Variants in LRP1B observed in about 807,000 individuals in gnomAD.
LRP1B encodes the protein low-density lipoprotein receptor-related protein 1B.
LRP1B carries 217 observed loss-of-function variants against 556.6 expected under a neutral mutation model. The ratio of observed to expected loss-of-function variants is 0.39; its 90% CI spans 0.35 to 0.44. The LOEUF (loss-of-function observed/expected upper bound fraction) is 0.44, where lower values mean the gene tolerates loss of function less well. Among genes scored for constraint, LRP1B ranks in the 20% least tolerant of loss-of-function variants. The probability of loss-of-function intolerance (pLI) is 1.00; values close to 1 mark genes in which losing one functional copy is unlikely to be tolerated. For missense variants in LRP1B, 5,053 were observed against 5,620.8 expected (o/e 0.90, Z 3.23); for synonymous variants, 2,047 against 1,865.8 (o/e 1.10, Z -2.50).
intron 50 of LRP1B, 51 bp from the exon 51 acceptor site, chr2:140,514,823 A>G (rs2104932843): frequency 6.8e-7 from 1 of 1,480,800 alleles, no homozygotes; most frequent in South Asian, 1.4e-5. Context: ...CCGTCTTACA[A>G]CAGATCCGAC....
intron 86 of LRP1B, among the ~76,000 whole-genome samples, chr2:140,256,553 C>T (rs1681700781): frequency 1.4e-5 from 2 of 141,456 alleles, no homozygotes; most frequent in Non-Finnish European, 3.0e-5. Flanking sequence ...ACTGCAACCT[C>T]TGCCTCCCAG....
intron 87 of LRP1B, among the ~76,000 whole-genome samples, chr2:140,242,653 C>T (rs112342944): frequency 3.3e-5 from 5 of 151,082 alleles, no homozygotes; most frequent in African/African-American, 1.2e-4. Context: ...AAGGAGGTGC[C>T]TCCAACTAGA....
chr2:140,583,284 C>A (rs989401781), intron 43 of LRP1B, among the ~76,000 whole-genome samples: 1 of 145,842 alleles, frequency 6.9e-6, no homozygotes, highest in Non-Finnish European at 1.5e-5. Context: ...AAGCAATTCT[C>A]GTGCCTCGGC....
At position 141,638,705 on chromosome 2, in the gene LRP1B, G is replaced by A. The variant is rs374072075; in HGVS notation, c.206-158172C>T. On this transcript the variant is annotated intron_variant, in intron 2 of 90. Transcript: ENST00000389484. ...AGGAGTACGCATCATCAAGCAATTT[G>A]AAGGCTTATGTGACATAGTTAATAA... Among the ~76,000 whole-genome samples, 125 of 110,098 alleles carry A rather than the reference G, an allele frequency of 1.1e-3. 20 individuals carry two copies. In the South Asian group the frequency reaches 0.035, roughly 31 times the overall value. The allele number at this position is 110,098 out of a possible 152,430, so 72.2% of individuals were successfully genotyped here. A position where few individuals can be genotyped will look rare whatever the true frequency, so the allele number is the denominator to read the frequency against.
At chr2:142,000,111 CTATGAACTTAAGGT>C (rs1702611696) in intron 1 of LRP1B, among the ~76,000 whole-genome samples, 1 of 151,720 alleles carries the variant, frequency 6.6e-6, no homozygotes, top group Non-Finnish European at 1.5e-5. Flanking sequence ...GAACTTAAAA[CTATGAACTTAAGGT>C]TATATGTTAA....
chr2:140,457,289 T>A (rs576739396), intron 61 of LRP1B, among the ~76,000 whole-genome samples, 174 bp downstream of exon 61: 1 of 152,346 alleles, frequency 6.6e-6, no homozygotes, highest in East Asian at 1.9e-4. Context: ...TCTAATCATA[T>A]GCCTTAAGAG....
chr2:140,937,205 A>C (rs557613186), intron 20 of LRP1B, among the ~76,000 whole-genome samples: 1 of 152,270 alleles, frequency 6.6e-6, no homozygotes, highest in East Asian at 1.9e-4. Context: ...AAAGTACTAA[A>C]GGGCACATAG....
At chr2:141,291,864 A>AC (rs1264932403) in intron 3 of LRP1B, among the ~76,000 whole-genome samples, 1 of 30,646 alleles carries the variant, frequency 3.3e-5, no homozygotes, top group African/African-American at 1.1e-4. Context: ...TCAAAAAAAA[A>AC]AAAAAAAAAA....
intron 1 of LRP1B, among the ~76,000 whole-genome samples, chr2:142,084,581 C>A (rs927639372): frequency 1.3e-5 from 2 of 152,154 alleles, no homozygotes; most frequent in South Asian, 4.1e-4. Context: ...TGAGTCTAAC[C>A]AATCACCAAG....
intron 2 of LRP1B, among the ~76,000 whole-genome samples, chr2:141,641,723 C>A (rs1214282145): frequency 6.6e-6 from 1 of 152,040 alleles, no homozygotes; most frequent in African/African-American, 2.4e-5. Context: ...AGATCCTATA[C>A]CTGGGTAAAA....
intron 1 of LRP1B, among the ~76,000 whole-genome samples, chr2:141,930,436 G>C (rs1228026573): frequency 5.9e-5 from 9 of 152,036 alleles, no homozygotes; most frequent in African/African-American, 2.2e-4. Flanking sequence ...ACTCTGCCAA[G>C]TGAGTTACTC....
chr2:140,521,610 A>G (rs13405768), intron 49 of LRP1B, among the ~76,000 whole-genome samples: 7,930 of 152,108 alleles, frequency 0.052, 660 homozygotes, highest in African/African-American at 0.18. Flanking sequence ...CATGAACCCT[A>G]CAAAGCAACT....
chr2:140,902,900 C>A lies in LRP1B; in HGVS notation c.3766+20G>T, dbSNP rs750525512. The A allele has an allele frequency of 4.4e-6, 7 of 1,607,814 alleles. No individual in the cohort carries two copies. Among genetic ancestry groups the A allele is most frequent in the Admixed American group, 1.7e-5 (1 of 59,740 alleles). On this transcript the variant is annotated intron_variant, in intron 23 of 90. Transcript: ENST00000389484. ...AGATCTATTCTTAAATATAGCAACA[C>A]ACACAAAATAGTTACTTACCAACAC...
At chr2:141,521,525 T>TA (rs1427243920) in intron 2 of LRP1B, among the ~76,000 whole-genome samples, 1 of 151,706 alleles carries the variant, frequency 6.6e-6, no homozygotes, top group South Asian at 2.1e-4. Context: ...TAATTTTTTT[T>TA]ATTTCTAATG....
At chr2:141,501,320 A>G (rs1427964781) in intron 2 of LRP1B, among the ~76,000 whole-genome samples, 3 of 152,162 alleles carry the variant, frequency 2.0e-5, no homozygotes, top group Non-Finnish European at 4.4e-5. Context: ...GTATCATAAA[A>G]TGGCTCCATG....
intron 87 of LRP1B, among the ~76,000 whole-genome samples, chr2:140,245,986 T>C (rs907899810): frequency 6.6e-5 from 10 of 151,456 alleles, no homozygotes; most frequent in Non-Finnish European, 1.5e-5. Context: ...TCTAGACCTA[T>C]TTTCCATTTT....
chr2:141,340,828 A>T (rs1301498282), intron 3 of LRP1B, among the ~76,000 whole-genome samples: 1 of 152,196 alleles, frequency 6.6e-6, no homozygotes, highest in African/African-American at 2.4e-5. Context: ...TCTGGTCTAG[A>T]TGTCATTTCA....
intron 71 of LRP1B, among the ~76,000 whole-genome samples, chr2:140,367,914 G>T (rs1477726316): frequency 1.3e-5 from 2 of 151,696 alleles, no homozygotes; most frequent in Non-Finnish European, 2.9e-5. Context: ...CTAAGGTATT[G>T]CATTAGATAA....
At chr2:142,111,229 A>G (rs1444908840) in intron 1 of LRP1B, among the ~76,000 whole-genome samples, 1 of 152,082 alleles carries the variant, frequency 6.6e-6, no homozygotes, top group Non-Finnish European at 1.5e-5. Flanking sequence ...TCTGTTCTAT[A>G]CTCACAACAT....
Sources: allele counts gnomAD v4.1 joint callset (sites outside exome capture counted in the v4.1 genomes callset), GRCh38; gene constraint gnomAD v4.1.1; transcripts MANE v1.5; gene names NCBI Gene and HGNC (gene_info 2026-07-23, HGNC 2026-07-21).